FAF1: variants seen among roughly 807,000 people sequenced by gnomAD.
FAF1 encodes Fas associated factor 1.
A neutral mutation model predicts 92.5 loss-of-function variants in FAF1; 25 were observed. That is an observed-to-expected ratio of 0.27 (90% CI 0.20 to 0.38). The LOEUF is 0.38. Ranked by LOEUF, FAF1 falls within the 10% of genes least tolerant of loss-of-function variation. The probability of loss-of-function intolerance (pLI) is 1.00; values close to 1 mark genes in which losing one functional copy is unlikely to be tolerated. For missense variants in FAF1, 636 were observed against 793.3 expected, an observed-to-expected ratio of 0.80 and a Z score of 2.38; for synonymous variants, 234 against 273.2, an observed-to-expected ratio of 0.86 and a Z score of 1.42.
At chr1:50,920,247 A>G (rs530040733) in intron 1 of FAF1, among the ~76,000 whole-genome samples, 86 of 151,864 alleles carry the variant, frequency 5.7e-4, no homozygotes, top group Middle Eastern at 3.4e-3. Context: ...GGTTGCAGTG[A>G]GCCAAGATCG....
intron 15 of FAF1, among the ~76,000 whole-genome samples, chr1:50,492,135 ACTAT>A (rs1392381037): frequency 6.6e-6 from 1 of 152,166 alleles, no homozygotes; most frequent in Admixed American, 6.5e-5. Context: ...TAATATACAA[ACTAT>A]CTAGCAAAGG....
At chr1:50,629,420 C>A (rs994584098) in intron 8 of FAF1, among the ~76,000 whole-genome samples, 3 of 152,138 alleles carry the variant, frequency 2.0e-5, no homozygotes, top group Admixed American at 6.5e-5. Context: ...CTGCCTGCCT[C>A]GGCCTCCTGA....
intron 4 of FAF1, among the ~76,000 whole-genome samples, chr1:50,753,757 CTTTTTTTTTT>C (rs58567132): frequency 7.7e-6 from 1 of 130,584 alleles, no homozygotes; most frequent in Non-Finnish European, 1.7e-5. Flanking sequence ...ATTATCTGTT[CTTTTTTTTTT>C]TTTTTTTTGA....
intron 7 of FAF1, among the ~76,000 whole-genome samples, chr1:50,681,024 GAAT>G (rs151079216): frequency 0.054 from 8,182 of 150,732 alleles, 678 homozygotes; most frequent in African/African-American, 0.19. Context: ...ACTACATTCA[GAAT>G]AATAATAATA....
intron 6 of FAF1, among the ~76,000 whole-genome samples, chr1:50,711,463 CTTTTTTTT>C (rs1160668174): frequency 4.9e-5 from 4 of 81,972 alleles, no homozygotes; most frequent in Non-Finnish European, 9.1e-5. Flanking sequence ...TCCACACTGA[CTTTTTTTT>C]TTTTTTTTTT....
chr1:50,827,978 T>C (rs573083171), intron 2 of FAF1, among the ~76,000 whole-genome samples: 4 of 152,182 alleles, frequency 2.6e-5, no homozygotes, highest in Non-Finnish European at 5.9e-5. Flanking sequence ...AATCCTGGAA[T>C]ATTTTTTGAG....
intron 1 of FAF1, among the ~76,000 whole-genome samples, chr1:50,884,368 A>C (rs1034598047): frequency 6.6e-6 from 1 of 151,694 alleles, no homozygotes; most frequent in Admixed American, 6.6e-5. Context: ...AAAGAAAAAA[A>C]AAATACAAAA....
At chr1:50,518,250 T>C (rs1490254996) in intron 15 of FAF1, among the ~76,000 whole-genome samples, 1 of 152,212 alleles carries the variant, frequency 6.6e-6, no homozygotes, top group Non-Finnish European at 1.5e-5. Flanking sequence ...TTACAAAGCA[T>C]AATGCCTTTG....
At chr1:50,886,103 G>C (rs1644661392) in intron 1 of FAF1, among the ~76,000 whole-genome samples, 1 of 152,070 alleles carries the variant, frequency 6.6e-6, no homozygotes, top group Admixed American at 6.6e-5. Context: ...TTCTATTTGA[G>C]AATGGTTTAC....
chr1:50,441,510 T>G lies in FAF1; in HGVS notation c.1883A>C (p.Asp628Ala). Residue 628 changes from aspartate to alanine, a missense_variant, in exon 19 of 19, where the codon GAC becomes GCC. Transcript: ENST00000396153. ...TACCTCCAATAATGATTTATTTGGG[T>G]CCAGTTGAGTTACCTAAAAAGATGA... is the stretch of plus-strand genomic sequence containing the variant. ...TFPRRDVTQLDPNKSLLEVKL... is the reference protein window; with the variant it reads ...TFPRRDVTQLAPNKSLLEVKL... 2 of 1,541,500 alleles carry G rather than the reference T, an allele frequency of 1.3e-6. No homozygotes were observed. Among genetic ancestry groups the G allele is most frequent in the Non-Finnish European group, 1.8e-6 (2 of 1,139,254 alleles).
intron 4 of FAF1, among the ~76,000 whole-genome samples, chr1:50,757,761 G>A (rs1239143300): frequency 6.6e-6 from 1 of 151,646 alleles, no homozygotes; most frequent in Non-Finnish European, 1.5e-5. Flanking sequence ...TTATTTATAT[G>A]GTCTTATTTC....
chr1:50,887,343 G>A (rs1056884155), intron 1 of FAF1, among the ~76,000 whole-genome samples: 48 of 152,128 alleles, frequency 3.2e-4, no homozygotes, highest in African/African-American at 1.1e-3. Flanking sequence ...TCACTCTGAT[G>A]GTAGTTTCTT....
intron 8 of FAF1, among the ~76,000 whole-genome samples, chr1:50,623,139 G>C (rs575355361): frequency 6.6e-6 from 1 of 152,226 alleles, no homozygotes; most frequent in African/African-American, 2.4e-5. Context: ...CTCAATAAGT[G>C]CATCGAGTTC....
intron 6 of FAF1, among the ~76,000 whole-genome samples, chr1:50,737,894 G>C (rs1052918308): frequency 2.0e-5 from 3 of 152,010 alleles, no homozygotes; most frequent in African/African-American, 7.3e-5. Flanking sequence ...ATTTAAAAGA[G>C]AAAAATTTGT....
intron 7 of FAF1, among the ~76,000 whole-genome samples, chr1:50,678,883 T>G (rs1656282981): frequency 6.7e-6 from 1 of 148,832 alleles, no homozygotes; most frequent in Admixed American, 6.7e-5. Context: ...TCAGGATGAT[T>G]GAGACCATCC....
intron 18 of FAF1, among the ~76,000 whole-genome samples, chr1:50,442,074 T>C (rs1646174783): frequency 6.6e-6 from 1 of 152,086 alleles, no homozygotes; most frequent in Admixed American, 6.5e-5. Context: ...AATACAACTT[T>C]ATATTTTAAA....
At position 50,724,866 on chromosome 1, in the gene FAF1, A is replaced by G. The variant is rs138491704; in HGVS notation, c.551+13997T>C. 7.2e-5 allele frequency among the ~76,000 whole-genome samples: 11 copies of G among 152,292 alleles called. No homozygotes were observed. In the East Asian group the frequency reaches 2.1e-3, roughly 29 times the overall value. On this transcript the variant is annotated intron_variant, in intron 6 of 18. Coordinates refer to ENST00000396153, the MANE Select transcript of FAF1 (RefSeq NM_007051.3). ...AGGTGCACTCTGGACAAAGCTTACC[A>G]TGAGATCTCTAAGCTGTCTTTCCAA...
chr1:50,899,346 C>G (rs955746193), intron 1 of FAF1, among the ~76,000 whole-genome samples: 10 of 152,168 alleles, frequency 6.6e-5, no homozygotes, highest in African/African-American at 2.4e-4. Flanking sequence ...AGGTCTCTCT[C>G]TACTGATTTT....
At chr1:50,673,876 A>T (rs1656002759) in intron 7 of FAF1, among the ~76,000 whole-genome samples, 1 of 152,186 alleles carries the variant, frequency 6.6e-6, no homozygotes, top group Non-Finnish European at 1.5e-5. Flanking sequence ...TCTCTCTTTA[A>T]AAAATAAACT....
Sources: allele counts gnomAD v4.1 joint callset (sites outside exome capture counted in the v4.1 genomes callset), GRCh38; gene constraint gnomAD v4.1.1; transcripts MANE v1.5; gene names NCBI Gene and HGNC (gene_info 2026-07-23, HGNC 2026-07-21).